Variants in PHKB observed in about 807,000 individuals in gnomAD.
The protein encoded by PHKB is phosphorylase kinase regulatory subunit beta.
Under a neutral mutation model 152.1 loss-of-function variants are expected in PHKB, and 122 were observed. The observed-to-expected ratio is 0.80, with a 90% CI of 0.69 to 0.93. The LOEUF (loss-of-function observed/expected upper bound fraction) is 0.93, where lower values mean the gene tolerates loss of function less well. Ranked by LOEUF, PHKB falls within the 40% of genes least tolerant of loss-of-function variation. The pLI, the probability that PHKB is intolerant of heterozygous loss-of-function variation, is 0.00. For synonymous variants in PHKB, 436 were observed against 464.9 expected, an observed-to-expected ratio of 0.94 and a Z score of 0.80; for missense variants, 1,304 against 1,328.4, an observed-to-expected ratio of 0.98 and a Z score of 0.29.
intron 26 of PHKB, among the ~76,000 whole-genome samples, chr16:47,673,579 A>AT (rs1422186800): frequency 1.3e-5 from 2 of 152,154 alleles, no homozygotes; most frequent in African/African-American, 4.8e-5. Context: ...GTAATTAATC[A>AT]TATCAGAGTA....
intron 16 of PHKB, among the ~76,000 whole-genome samples, chr16:47,644,765 A>C (rs1045329398): frequency 6.6e-6 from 1 of 152,226 alleles, no homozygotes; most frequent in Non-Finnish European, 1.5e-5. Context: ...AGGGAAGTCC[A>C]TTTTTAGAAT....
At chr16:47,688,237 CTTTTCCTAATGG>C (rs1279460882) in intron 26 of PHKB, among the ~76,000 whole-genome samples, 2 of 152,176 alleles carry the variant, frequency 1.3e-5, no homozygotes, top group Non-Finnish European at 2.9e-5. Flanking sequence ...AATTCCCTGG[CTTTTCCTAATGG>C]TGTGTAAATT....
intron 13 of PHKB, 140 bp from the exon 14 acceptor site, chr16:47,610,686 A>G (rs958227924): frequency 2.9e-6 from 2 of 686,406 alleles, no homozygotes; most frequent in South Asian, 1.6e-5. Flanking sequence ...AGTATGTGGT[A>G]TATCCTGGTG....
In PHKB at chr16:47,465,585, T is replaced by C. The variant is rs142084284; in HGVS notation, c.76+4159T>C. 5.7e-3 allele frequency among the ~76,000 whole-genome samples: 872 copies of C among 152,338 alleles called. 7 individuals carry two copies. The highest frequency in any genetic ancestry group is 0.02 in the African/African-American group (830 of 41,578). Reference sequence around the variant, plus strand: ...TACATTACTTTCAATGTTGACACTTTTTTGGGAGTTCATCTAACCAAAACT... The same window carrying C: ...TACATTACTTTCAATGTTGACACTTCTTTGGGAGTTCATCTAACCAAAACT... On this transcript the variant is annotated intron_variant, in intron 1 of 30. Transcript: ENST00000323584.
At chr16:47,625,165 A>G (rs1403891701) in intron 14 of PHKB, among the ~76,000 whole-genome samples, 1 of 152,182 alleles carries the variant, frequency 6.6e-6, no homozygotes, top group African/African-American at 2.4e-5. Flanking sequence ...GCAGGCTCCA[A>G]CTAATCTCCA....
At chr16:47,656,321 T>G (rs1183182864) in intron 20 of PHKB, among the ~76,000 whole-genome samples, 1 of 152,214 alleles carries the variant, frequency 6.6e-6, no homozygotes, top group Non-Finnish European at 1.5e-5. Flanking sequence ...CTGGCCAAGT[T>G]TTACATTTTT....
chr16:47,557,552 C>T (rs1240064153), intron 7 of PHKB, among the ~76,000 whole-genome samples: 1 of 152,208 alleles, frequency 6.6e-6, no homozygotes, highest in African/African-American at 2.4e-5. Context: ...AAACAAACAA[C>T]CCCATCAAAA....
At chr16:47,543,988 A>G (rs1337111298) in intron 6 of PHKB, among the ~76,000 whole-genome samples, 1 of 151,644 alleles carries the variant, frequency 6.6e-6, no homozygotes. Flanking sequence ...TTTCTTCTTT[A>G]TTAGTCTTGC....
At position 47,629,787 on chromosome 16, in the gene PHKB, G is replaced by A. The variant is rs906773246; in HGVS notation, c.1459-11248G>A. Among the ~76,000 whole-genome samples the A allele has an allele frequency of 6.6e-5, 10 of 152,262 alleles. No individual in the cohort carries two copies. The South Asian group carries it at 1.5e-3, about 22-fold the overall frequency. On this transcript the variant is annotated intron_variant, in intron 14 of 30. Transcript: ENST00000323584. ...TTGGAACCAACCCAGATGTCCAACAGTGACAGACTGGATTAAGAAAATGTG... is the reference window on the plus strand; with the variant it reads ...TTGGAACCAACCCAGATGTCCAACAATGACAGACTGGATTAAGAAAATGTG...
At chr16:47,541,818 T>C (rs1190022854) in intron 6 of PHKB, among the ~76,000 whole-genome samples, 1 of 152,012 alleles carries the variant, frequency 6.6e-6, no homozygotes, top group Admixed American at 6.5e-5. Context: ...TGTCTGTTCA[T>C]ATCCTTTGCC....
intron 17 of PHKB, 151 bp downstream of exon 17, chr16:47,648,767 T>A: frequency 1.5e-6 from 1 of 678,656 alleles, no homozygotes; most frequent in East Asian, 2.7e-5. Context: ...ACATTACTTA[T>A]TTAGCATCAT....
chr16:47,485,154 T>G (rs1883955766), intron 1 of PHKB, among the ~76,000 whole-genome samples: 1 of 152,232 alleles, frequency 6.6e-6, no homozygotes, highest in African/African-American at 2.4e-5. Context: ...TAAACTGTCT[T>G]AACATACTTC....
intron 26 of PHKB, among the ~76,000 whole-genome samples, chr16:47,688,591 A>C (rs1974005047): frequency 6.6e-6 from 1 of 152,170 alleles, no homozygotes; most frequent in African/African-American, 2.4e-5. Flanking sequence ...TTAAAACAAA[A>C]AGCTTGAGAT....
chr16:47,610,535 AG>A (rs1198589518), intron 13 of PHKB, among the ~76,000 whole-genome samples: 2 of 152,056 alleles, frequency 1.3e-5, no homozygotes, highest in African/African-American at 4.8e-5. Context: ...GTTATTTAGT[AG>A]TATGTTTTCA....
intron 27 of PHKB, among the ~76,000 whole-genome samples, chr16:47,692,315 T>C (rs1301045312): frequency 6.6e-6 from 1 of 152,170 alleles, no homozygotes; most frequent in East Asian, 1.9e-4. Flanking sequence ...AAATACTAAG[T>C]GTAAAAAACG....
intron 7 of PHKB, among the ~76,000 whole-genome samples, chr16:47,555,680 A>G (rs1431286528): frequency 2.6e-5 from 4 of 152,192 alleles, no homozygotes; most frequent in Non-Finnish European, 5.9e-5. Flanking sequence ...ATTTCTTACA[A>G]CAATATATAT....
chr16:47,599,884 CT>C (rs1398745243), intron 13 of PHKB, among the ~76,000 whole-genome samples: 1 of 152,166 alleles, frequency 6.6e-6, no homozygotes, highest in Admixed American at 6.5e-5. Context: ...TTGCTCTTAA[CT>C]GTTGTATACT....
chr16:47,502,980 C>T lies in PHKB; in HGVS notation c.306-11C>T. 6.3e-7 allele frequency: 1 copy of T among 1,583,714 alleles called. No homozygotes were observed. Among genetic ancestry groups the T allele is most frequent in the Non-Finnish European group, 8.7e-7 (1 of 1,152,388 alleles). On this transcript the variant is annotated splice_polypyrimidine_tract_variant and intron_variant, in intron 3 of 30. Transcript: ENST00000323584. ...TTCCAATTAGTTTCATGAGTTATCT[C>T]TCTCACCCAGGCGAATTGATGATGA...
chr16:47,536,804 G>A (rs1420921637), intron 6 of PHKB, among the ~76,000 whole-genome samples: 2 of 152,160 alleles, frequency 1.3e-5, no homozygotes, highest in African/African-American at 2.4e-5. Context: ...CTAGTTAGAG[G>A]TGAGAAAAAA....
Sources: allele counts gnomAD v4.1 joint callset (sites outside exome capture counted in the v4.1 genomes callset), GRCh38; gene constraint gnomAD v4.1.1; transcripts MANE v1.5; gene names NCBI Gene and HGNC (gene_info 2026-07-23, HGNC 2026-07-21).